The following MMS19 variants were observed in gnomAD, a reference collection of about 807,000 sequenced individuals.
The protein encoded by MMS19 is MMS19 cytosolic iron-sulfur assembly component, also known as MMS19 nucleotide excision repair protein homolog.
Under a neutral mutation model 129.8 loss-of-function variants are expected in MMS19, and 77 were observed. That is an observed-to-expected ratio of 0.59 (90% CI 0.49 to 0.72). MMS19 has a LOEUF of 0.72. MMS19 is among the 30% of genes least tolerant of loss of function. MMS19 has a pLI of 0.00. For missense variants in MMS19, 1,168 were observed against 1,266.3 expected, an observed-to-expected ratio of 0.92 and a Z score of 1.18; for synonymous variants, 491 against 502.8, an observed-to-expected ratio of 0.98 and a Z score of 0.31.
rs755784575 is a variant in MMS19, at chr10:97,462,700, ATG to A, written c.1913-20_1913-19del. Reference sequence around the variant, plus strand: ...CTCCTTCTCTGCAAAACACACACACATGCACACAATCACAAGACCATGACGGG... The same window carrying A: ...CTCCTTCTCTGCAAAACACACACACACACACAATCACAAGACCATGACGGG... On this transcript the variant is annotated intron_variant, in intron 19 of 30. Coordinates refer to ENST00000438925, the MANE Select transcript of MMS19 (RefSeq NM_022362.5). 1 of 1,561,112 alleles carries A rather than the reference ATG, an allele frequency of 6.4e-7. No individual in the cohort carries two copies. The highest frequency in any genetic ancestry group is 8.8e-7 in the Non-Finnish European group (1 of 1,131,722).
Position 97,465,836 on chromosome 10 carries a change from C to T in MMS19, c.1725G>A (p.Leu575=). ...HPSIVKETLP[L]LLQHLWQVNR... The stretch of plus-strand genomic sequence containing the variant: ...TCACTTGCCAGAGATGCTGCAGCAG[C>T]AGAGGCAGTGTCTCCTTGACGATGC... Residue 575 remains leucine, a synonymous_variant, in exon 18 of 31, where the codon CTG becomes CTA. Coordinates refer to ENST00000438925, the MANE Select transcript of MMS19 (RefSeq NM_022362.5). 6.2e-7 allele frequency: 1 copy of T among 1,613,746 alleles called. No individual in the cohort carries two copies. The highest frequency in any genetic ancestry group is 8.5e-7 in the Non-Finnish European group (1 of 1,179,882).
At position 97,477,876 on chromosome 10, in the gene MMS19, G is replaced by A; in HGVS notation, c.402C>T (p.Ile134=). ...PGLAVSVLKA[I]FQEVHVQSLP... ...TCACCTGTACATGCACTTCCTGGAA[G>A]ATGGCTTTAAGCACAGAAACAGCCA... The change falls in exon 5 of 31, where the codon ATC becomes ATT. Residue 134 remains isoleucine (I), a synonymous_variant. Transcript: ENST00000438925. 1 of 1,609,602 alleles carries A rather than the reference G, an allele frequency of 6.2e-7. No homozygotes were observed. The highest frequency in any genetic ancestry group is 8.5e-7 in the Non-Finnish European group (1 of 1,178,080).
rs1244140023 is a variant in MMS19 at position 97,459,401 on chromosome 10, G to A, written c.2865C>T (p.Leu955=). ...AGCTGAGGTTCAGAAACTTGGTGAC[G>A]AGGGTGTCCACGTGAAGACTCATGA... is the stretch of plus-strand genomic sequence containing the variant. ...PQVMSLHVDT[L]VTKFLNLSSS... The change falls in exon 28 of 31, where the codon CTC becomes CTT. Residue 955 remains leucine, a synonymous_variant. Transcript: ENST00000438925. The A allele has an allele frequency of 8.7e-6, 14 of 1,605,652 alleles. No homozygotes were observed. The highest frequency in any genetic ancestry group is 2.7e-5 in the African/African-American group (2 of 74,790).
intron 8 of MMS19, among the ~76,000 whole-genome samples, chr10:97,471,486 T>A (rs1417284232): frequency 6.6e-6 from 1 of 152,128 alleles, no homozygotes; most frequent in Admixed American, 6.6e-5. Flanking sequence ...ACCAAAAACA[T>A]AGTAAAAGAA....
In MMS19 at chr10:97,497,437, T is replaced by TA. The variant is rs913459623; in HGVS notation, c.112+835dup. 5.3e-5 allele frequency among the ~76,000 whole-genome samples: 8 copies of TA among 152,158 alleles called. No individual in the cohort carries two copies. In the South Asian group the frequency reaches 1.5e-3, roughly 28 times the overall value. ...GCATACGAAATTTCCAAAGTTTTTT[T>TA]AAAAAAACTACTCATTAGATAATTT... On this transcript the variant is annotated intron_variant, in intron 1 of 30. Transcript: ENST00000438925.
chr10:97,496,377 T>A (rs534489503), intron 1 of MMS19, among the ~76,000 whole-genome samples: 1 of 152,006 alleles, frequency 6.6e-6, no homozygotes, highest in South Asian at 2.1e-4. Context: ...CCGAGCGCAG[T>A]GGCACACTCC....
chr10:97,490,223 C>A (rs996810127), intron 1 of MMS19, among the ~76,000 whole-genome samples: 45 of 152,030 alleles, frequency 3.0e-4, no homozygotes, highest in African/African-American at 1.0e-3. Context: ...GGACTACAGG[C>A]ATGCACCACC....
At chr10:97,460,794 A>C in intron 24 of MMS19, 43 bp from the exon 25 acceptor site, 1 of 1,560,358 alleles carries the variant, frequency 6.4e-7, no homozygotes, top group Non-Finnish European at 8.7e-7. Flanking sequence ...ATGACACTCA[A>C]ACCCGAGAAC....
intron 2 of MMS19, among the ~76,000 whole-genome samples, chr10:97,483,287 C>A (rs962303472): frequency 6.6e-6 from 1 of 152,124 alleles, no homozygotes; most frequent in African/African-American, 2.4e-5. Context: ...CTCCTGAGCT[C>A]AGGCAATCCA....
chr10:97,487,836 G>C (rs1177491029), intron 1 of MMS19, among the ~76,000 whole-genome samples: 1 of 152,128 alleles, frequency 6.6e-6, no homozygotes, highest in Admixed American at 6.6e-5. Flanking sequence ...GCAAAAACAG[G>C]CTGGGCACAG....
chr10:97,497,159 G>C (rs1232260293), intron 1 of MMS19, among the ~76,000 whole-genome samples: 1 of 152,136 alleles, frequency 6.6e-6, no homozygotes, highest in Non-Finnish European at 1.5e-5. Context: ...CTTACAGAAT[G>C]GTTGCCTCTC....
chr10:97,498,045 G>C (rs2040129720), intron 1 of MMS19, among the ~76,000 whole-genome samples: 1 of 152,260 alleles, frequency 6.6e-6, no homozygotes, highest in African/African-American at 2.4e-5. Flanking sequence ...AAAATGTAAT[G>C]ATTCCCTATA....
chr10:97,481,937 G>A (rs1283070157), intron 2 of MMS19, among the ~76,000 whole-genome samples: 1 of 152,162 alleles, frequency 6.6e-6, no homozygotes, highest in Admixed American at 6.5e-5. Flanking sequence ...CAGAATTTTG[G>A]GAGACAGACG....
intron 8 of MMS19, among the ~76,000 whole-genome samples, chr10:97,471,102 G>A (rs927926366): frequency 5.9e-5 from 9 of 152,172 alleles, no homozygotes; most frequent in Non-Finnish European, 1.0e-4. Context: ...TCAGAAATAA[G>A]CATGCTTAAC....
At chr10:97,460,352 C>G in intron 25 of MMS19, 120 bp from the exon 26 acceptor site, 3 of 880,586 alleles carry the variant, frequency 3.4e-6, no homozygotes, top group Non-Finnish European at 5.1e-6. Flanking sequence ...GAGGCCAAGG[C>G]AGGTGGACTG....
intron 2 of MMS19, among the ~76,000 whole-genome samples, 160 bp downstream of exon 2, chr10:97,483,943 C>T (rs941799102): frequency 2.6e-5 from 4 of 152,308 alleles, no homozygotes; most frequent in Middle Eastern, 3.4e-3. Flanking sequence ...TCAGGAGAAA[C>T]AATTCAAACA....
intron 1 of MMS19, 139 bp downstream of exon 1, chr10:97,498,134 C>T (rs29001247): frequency 2.0e-5 from 15 of 731,828 alleles, no homozygotes; most frequent in African/African-American, 3.6e-5. Flanking sequence ...CGGCTCTGAA[C>T]CTCGCGGTGC....
chr10:97,489,271 A>AG (rs1402235370), intron 1 of MMS19, among the ~76,000 whole-genome samples: 3 of 152,156 alleles, frequency 2.0e-5, no homozygotes, highest in Admixed American at 2.0e-4. Flanking sequence ...TTTTAAAGGG[A>AG]GGGGGGATTG....
intron 3 of MMS19, chr10:97,480,479 A>G (rs1286697231): frequency 5.4e-6 from 2 of 367,400 alleles, no homozygotes; most frequent in Non-Finnish European, 1.0e-5. Context: ...AAGCATGCCG[A>G]TATTTCATTA....
Sources: gnomAD v4.1 joint callset for allele counts (sites outside exome capture counted in the v4.1 genomes callset) on GRCh38, gnomAD v4.1.1 for gene constraint, MANE v1.5 for transcripts, NCBI Gene and HGNC (gene_info 2026-07-23, HGNC 2026-07-21) for gene names.